Variants in TNK1 observed in about 807,000 individuals in gnomAD.
TNK1 encodes the protein tyrosine kinase non receptor 1.
Under a neutral mutation model 65.2 loss-of-function variants are expected in TNK1, and 53 were observed. The observed-to-expected ratio is 0.81, with a 90% CI of 0.65 to 1.02. The LOEUF (loss-of-function observed/expected upper bound fraction) is 1.02. Among genes scored for constraint, TNK1 ranks in the 50% least tolerant of loss-of-function variants. The pLI is 0.00. For missense variants in TNK1, 837 were observed against 878.4 expected, an observed-to-expected ratio of 0.95 and a Z score of 0.60; for synonymous variants, 353 against 364.6, an observed-to-expected ratio of 0.97 and a Z score of 0.36.
In TNK1 at chr17:7,388,531, C is replaced by T. The variant is rs377691913; in HGVS notation, c.1603C>T (p.Pro535Ser). 2.5e-6 allele frequency: 4 copies of T among 1,613,858 alleles called. No individual in the cohort carries two copies. The African/African-American group carries it at 4.0e-5, about 16-fold the overall frequency. Residue 535 changes from proline to serine, a missense_variant, in exon 11 of 13, where the codon CCA (proline) becomes TCA (serine). Coordinates refer to ENST00000688331, the MANE Select transcript of TNK1 (RefSeq NM_003985.6). The surrounding 1 kb of genome is among the most constrained non-coding windows in gnomAD (Gnocchi z 4.5). ...PQGPPGLPPR[P>S]PLSSSSPQPS... Reference sequence around the variant, plus strand: ...GGGACCTCCAGGCCTGCCTCCACGCCCACCTTTATCCTCTAGCTCTCCTCA... The same window carrying T: ...GGGACCTCCAGGCCTGCCTCCACGCTCACCTTTATCCTCTAGCTCTCCTCA...
intron 7 of TNK1, among the ~76,000 whole-genome samples, chr17:7,385,084 G>T (rs945563286): frequency 6.6e-6 from 1 of 152,178 alleles, no homozygotes; most frequent in Non-Finnish European, 1.5e-5. Flanking sequence ...GAAGCCGCAG[G>T]CCGGGCGCGG....
chr17:7,384,539 A>G lies in TNK1; in HGVS notation c.922A>G (p.Met308Val). The change falls in exon 7 of 13, where the codon ATG becomes GTG. Residue 308 changes from methionine to valine, a missense_variant. Coordinates refer to ENST00000688331, the MANE Select transcript of TNK1 (RefSeq NM_003985.6). ...GAFSSASDVWMFGVTLWEMFS... is the reference protein window; with the variant it reads ...GAFSSASDVWVFGVTLWEMFS... ...CTTCTCGTCTGCCTCGGACGTGTGG[A>G]TGTTTGGGGTGACGCTGTGGGAGAT... 1 of 1,604,278 alleles carries G rather than the reference A, an allele frequency of 6.2e-7. No individual in the cohort carries two copies. The highest frequency in any genetic ancestry group is 8.5e-7 in the Non-Finnish European group (1 of 1,173,674).
Position 7,384,635 on chromosome 17 carries a change from G to T in TNK1, c.1018G>T (p.Ala340Ser), listed in dbSNP as rs753529931. 1 of 1,610,192 alleles carries T rather than the reference G, an allele frequency of 6.2e-7. No individual in the cohort carries two copies. Among genetic ancestry groups the T allele is most frequent in the Non-Finnish European group, 8.5e-7 (1 of 1,178,632 alleles). ...CATCCTGCAGCGGCTGGAGGACAGA[G>T]CCCGGCTGCCTAGGCCTCCCCTCTG... ...YLILQRLEDRARLPRPPLCSR... is the reference protein window; with the variant it reads ...YLILQRLEDRSRLPRPPLCSR... The change falls in exon 7 of 13, where the codon GCC (alanine) becomes TCC (serine). Residue 340 changes from alanine (A) to serine (S), a missense_variant. By Grantham distance (99) the Ala-to-Ser change is moderately conservative. Transcript: ENST00000688331.
intron 1 of TNK1, among the ~76,000 whole-genome samples, chr17:7,381,541 G>C (rs1396809432): frequency 6.6e-6 from 1 of 152,242 alleles, no homozygotes; most frequent in African/African-American, 2.4e-5. Context: ...GTTAGACCGA[G>C]TGACTCAGGC....
chr17:7,386,492 T>C, intron 7 of TNK1, 69 bp from the exon 8 acceptor site: 2 of 1,251,976 alleles, frequency 1.6e-6, no homozygotes, highest in Non-Finnish European at 2.3e-6. Flanking sequence ...CTCCTCTTTA[T>C]TCCTGCTCCC....
At chr17:7,386,244 G>C (rs149413325) in intron 7 of TNK1, among the ~76,000 whole-genome samples, 68 of 152,210 alleles carry the variant, frequency 4.5e-4, no homozygotes, top group African/African-American at 1.6e-3. Flanking sequence ...GCAGAGGAGT[G>C]GAAATTTCCC....
At position 7,382,553 on chromosome 17, in the gene TNK1, TC is replaced by T. The variant is rs763110797; in HGVS notation, c.-91-282del. On this transcript the variant is annotated intron_variant, in intron 1 of 12. Coordinates refer to ENST00000688331, the MANE Select transcript of TNK1 (RefSeq NM_003985.6). The surrounding 1 kb of genome is among the most constrained non-coding windows in gnomAD (Gnocchi z 4.1). ...GAGTGAGTTTGTGCCACTGCGTAGC[TC>T]AGGTCTAAAAGGGCAGTGTTTCTGG... 3.8e-4 allele frequency among the ~76,000 whole-genome samples: 58 copies of T among 152,232 alleles called. No individual in the cohort carries two copies. The Middle Eastern group carries it at 0.014, about 36-fold the overall frequency.
Position 7,387,477 on chromosome 17 carries a change from GA to G in TNK1, c.1477+21del. 6.4e-7 allele frequency: 1 copy of G among 1,570,124 alleles called. No homozygotes were observed. Among genetic ancestry groups the G allele is most frequent in the East Asian group, 2.3e-5 (1 of 42,660 alleles). ...TGAAAGGTGGGTGTGGTGGACTCCAGAGTCTCTGAGGAGATCAAGACCAGTC... is the reference window on the plus strand; with the variant it reads ...TGAAAGGTGGGTGTGGTGGACTCCAGGTCTCTGAGGAGATCAAGACCAGTC... On this transcript the variant is annotated intron_variant, in intron 10 of 12. Transcript: ENST00000688331.
intron 6 of TNK1, 63 bp downstream of exon 6, chr17:7,384,316 G>A: frequency 7.0e-7 from 1 of 1,435,576 alleles, no homozygotes; most frequent in Admixed American, 2.9e-5. Flanking sequence ...CAGCAGCCGA[G>A]GGAGATCGGA....
Position 7,384,133 on chromosome 17 carries a change from G to GA in TNK1, c.746_747insA (p.Asn250GlnfsTer14). On this transcript the variant is annotated frameshift_variant, in exon 6 of 13. Transcript: ENST00000688331. LOFTEE classifies it high-confidence loss of function. ...CTGGTGCACCGAGACCTCGCTACGC[G>GA]CAACCTACTGCTGGCGTCGCCGCGC... The GA allele has an allele frequency of 6.5e-7, 1 of 1,547,248 alleles. No homozygotes were observed.
chr17:7,381,927 G>A (rs1904837298), intron 1 of TNK1, among the ~76,000 whole-genome samples: 1 of 152,240 alleles, frequency 6.6e-6, no homozygotes, highest in South Asian at 2.1e-4. Context: ...GGACACAGAT[G>A]AGCCTGGGCG....
At chr17:7,381,686 TG>T in intron 1 of TNK1, among the ~76,000 whole-genome samples, 1 of 152,244 alleles carries the variant, frequency 6.6e-6, no homozygotes, top group East Asian at 1.9e-4. Context: ...CAAATGTTGC[TG>T]CCTCCGGTGG....
chr17:7,387,601 CTATTTTT>C, intron 10 of TNK1, 144 bp downstream of exon 10: 1 of 510,998 alleles, frequency 2.0e-6, no homozygotes, highest in Non-Finnish European at 3.2e-6. Flanking sequence ...ACTGTGCAAT[CTATTTTT>C]TTTTTTTTTT....
chr17:7,387,563 G>T, intron 10 of TNK1, 106 bp downstream of exon 10: 2 of 929,144 alleles, frequency 2.2e-6, no homozygotes, highest in Non-Finnish European at 1.6e-6. Context: ...TCCTTCCTCT[G>T]AATTCTGTCT....
Position 7,386,599 on chromosome 17 carries a change from A to T in TNK1, c.1176A>T (p.Thr392=). Reference sequence around the variant, plus strand: ...AAGCATGTTGTGTGAGGGATGTCACAGAACCAGGCGCCCTGAGGATGGAGA... The same window carrying T: ...AAGCATGTTGTGTGAGGGATGTCACTGAACCAGGCGCCCTGAGGATGGAGA... ...PSEACCVRDV[T]EPGALRMETG... The change falls in exon 8 of 13, where the codon ACA becomes ACT. Residue 392 remains threonine, a synonymous_variant. Coordinates refer to ENST00000688331, the MANE Select transcript of TNK1 (RefSeq NM_003985.6). The T allele has an allele frequency of 6.2e-7, 1 of 1,605,304 alleles. No individual in the cohort carries two copies. The highest frequency in any genetic ancestry group is 8.5e-7 in the Non-Finnish European group (1 of 1,175,924).
At chr17:7,386,071 T>C (rs1199737040) in intron 7 of TNK1, among the ~76,000 whole-genome samples, 1 of 152,052 alleles carries the variant, frequency 6.6e-6, no homozygotes, top group Non-Finnish European at 1.5e-5. Flanking sequence ...GGAAGCCTAT[T>C]AGGCAGGGGA....
rs1904882777 is a variant in TNK1, at chr17:7,382,632, C to T, written c.-91-204C>T. On this transcript the variant is annotated intron_variant, in intron 1 of 12. Coordinates refer to ENST00000688331, the MANE Select transcript of TNK1 (RefSeq NM_003985.6). This position sits in a 1 kb window ranked among gnomAD's most constrained non-coding sequence, Gnocchi z 4.1. ...ATTTCAGAGTCAGGATGGTAACATACCTGGAGTCTGTAGTAGGAGCAGGCA... is the reference window on the plus strand; with the variant it reads ...ATTTCAGAGTCAGGATGGTAACATATCTGGAGTCTGTAGTAGGAGCAGGCA... Among the ~76,000 whole-genome samples the T allele has an allele frequency of 6.6e-6, 1 of 152,118 alleles. No individual in the cohort carries two copies. Among genetic ancestry groups the T allele is most frequent in the Non-Finnish European group, 1.5e-5 (1 of 68,030 alleles).
intron 6 of TNK1, 36 bp from the exon 7 acceptor site, chr17:7,384,448 G>T (rs781625304): frequency 6.7e-7 from 1 of 1,484,958 alleles, no homozygotes; most frequent in East Asian, 2.4e-5. Context: ...CAAGGAGCAC[G>T]TGTCCCGCCC....
At position 7,383,483 on chromosome 17, in the gene TNK1, G is replaced by C. The variant is rs766220710; in HGVS notation, c.293G>C (p.Arg98Pro). Residue 98 changes from arginine to proline, a missense_variant, in exon 4 of 13, where the codon CGG (arginine) becomes CCG (proline). By Grantham distance (103) the Arg-to-Pro change is moderately radical. Coordinates refer to ENST00000688331, the MANE Select transcript of TNK1 (RefSeq NM_003985.6). The stretch of plus-strand genomic sequence containing the variant: ...CCCACCCTGCCCTCGGACAGCCCAC[G>C]GCACCTCCCTGAGCCAGAGGGGGGC... ...KEPTLPSDSPRHLPEPEGGLK... is the reference protein window; with the variant it reads ...KEPTLPSDSPPHLPEPEGGLK... The C allele has an allele frequency of 1.3e-5, 21 of 1,613,844 alleles. No individual in the cohort carries two copies. The South Asian group carries it at 2.3e-4, about 18-fold the overall frequency.
Sources: gnomAD v4.1 joint callset for allele counts (sites outside exome capture counted in the v4.1 genomes callset) on GRCh38, gnomAD v4.1.1 for gene constraint, Gnocchi (gnomAD v3.1) non-coding constraint, MANE v1.5 for transcripts, NCBI Gene and HGNC (gene_info 2026-07-23, HGNC 2026-07-21) for gene names.